Variants in CABLES1 observed in about 807,000 individuals in gnomAD.
CABLES1 encodes the protein CDK5 and ABL1 enzyme substrate 1.
Under a neutral mutation model 57.8 loss-of-function variants are expected in CABLES1, and 36 were observed. That is an observed-to-expected ratio of 0.62 (90% CI 0.48 to 0.82). The LOEUF (loss-of-function observed/expected upper bound fraction) is 0.82. CABLES1 is among the 40% of genes least tolerant of loss of function. The probability of loss-of-function intolerance (pLI) is 0.00; values close to 1 mark genes in which losing one functional copy is unlikely to be tolerated. For synonymous variants in CABLES1, 374 were observed against 363.0 expected (o/e 1.03, Z -0.35); for missense variants, 767 against 836.6 (o/e 0.92, Z 1.03).
At chr18:23,143,040 C>T (rs929132497) in intron 1 of CABLES1, among the ~76,000 whole-genome samples, 3 of 152,184 alleles carry the variant, frequency 2.0e-5, no homozygotes. Context: ...CCTCCCTCTG[C>T]TGTGCTACAA....
intron 9 of CABLES1, among the ~76,000 whole-genome samples, chr18:23,255,703 G>T (rs2048147316): frequency 6.6e-6 from 1 of 151,842 alleles, no homozygotes; most frequent in Non-Finnish European, 1.5e-5. Context: ...GGAACTACAG[G>T]CATGTACCAC....
At chr18:23,135,423 GC>G (rs2046810241), upstream of CABLES1, 1 of 152,216 alleles carries the variant, frequency 6.6e-6, no homozygotes, top group South Asian at 2.1e-4. Context: ...TGCAAAGAGG[GC>G]TTTGGAGCGC....
chr18:23,252,825 C>T, intron 7 of CABLES1, 135 bp from the exon 8 acceptor site: 2 of 599,812 alleles, frequency 3.3e-6, no homozygotes, highest in East Asian at 3.0e-5. Context: ...TTCCGCCGAG[C>T]CCTTGTTGTA....
intron 1 of CABLES1, among the ~76,000 whole-genome samples, chr18:23,145,571 C>A (rs1277175103): frequency 2.0e-5 from 3 of 152,214 alleles, no homozygotes; most frequent in African/African-American, 7.2e-5. Context: ...CTGTCCCCCT[C>A]AAGTTTCAGC....
intron 7 of CABLES1, among the ~76,000 whole-genome samples, chr18:23,247,116 C>T (rs755980874): frequency 2.0e-5 from 3 of 152,242 alleles, no homozygotes; most frequent in African/African-American, 4.8e-5. Context: ...ACTGCCGTGG[C>T]TCAATCTCCT....
At chr18:23,249,608 G>A (rs2047988231) in intron 7 of CABLES1, among the ~76,000 whole-genome samples, 2 of 152,140 alleles carry the variant, frequency 1.3e-5, no homozygotes, top group Admixed American at 1.3e-4. Flanking sequence ...CGTACGTTTT[G>A]TTCTCTTTGA....
At chr18:23,243,104 C>A (rs919462550) in intron 7 of CABLES1, among the ~76,000 whole-genome samples, 10 of 151,298 alleles carry the variant, frequency 6.6e-5, no homozygotes, top group African/African-American at 2.2e-4. Flanking sequence ...ATATATATAT[C>A]TATTTCCATT....
chr18:23,195,424 C>T (rs2047275231), intron 3 of CABLES1, among the ~76,000 whole-genome samples: 1 of 152,192 alleles, frequency 6.6e-6, no homozygotes, highest in African/African-American at 2.4e-5. Context: ...ACTCTCTAAT[C>T]CATACAAAAT....
chr18:23,164,726 C>T (rs1374045808), intron 1 of CABLES1, among the ~76,000 whole-genome samples: 2 of 150,100 alleles, frequency 1.3e-5, no homozygotes, highest in Non-Finnish European at 3.0e-5. Context: ...CAAAGCTTAT[C>T]TTTGATATGT....
intron 7 of CABLES1, among the ~76,000 whole-genome samples, chr18:23,248,512 CTTTTTTT>C (rs59555750): frequency 7.7e-4 from 70 of 90,726 alleles, no homozygotes; most frequent in African/African-American, 2.2e-3. Context: ...GACCCTATGT[CTTTTTTT>C]TTTTTTTTTT....
At chr18:23,209,557 G>A (rs2047388498) in intron 3 of CABLES1, among the ~76,000 whole-genome samples, 1 of 152,166 alleles carries the variant, frequency 6.6e-6, no homozygotes, top group Non-Finnish European at 1.5e-5. Context: ...ACACCCCTGG[G>A]CTGTGTTTGG....
intron 4 of CABLES1, among the ~76,000 whole-genome samples, chr18:23,220,401 A>C (rs1246288492): frequency 7.9e-5 from 12 of 152,004 alleles, no homozygotes; most frequent in African/African-American, 2.4e-5. Context: ...TTACCATTTT[A>C]CTTGAGGCTA....
chr18:23,156,484 G>A (rs1013847879), intron 1 of CABLES1, among the ~76,000 whole-genome samples: 3 of 152,192 alleles, frequency 2.0e-5, no homozygotes, highest in Non-Finnish European at 4.4e-5. Flanking sequence ...GCCTCTACTC[G>A]GAGGGAGTGA....
chr18:23,199,916 C>T (rs2047311166), intron 3 of CABLES1, among the ~76,000 whole-genome samples: 1 of 152,074 alleles, frequency 6.6e-6, no homozygotes. Flanking sequence ...AGACAATGGT[C>T]AGAAGCAGAA....
intron 2 of CABLES1, among the ~76,000 whole-genome samples, chr18:23,189,655 C>T (rs1038110109): frequency 5.9e-5 from 9 of 152,190 alleles, no homozygotes; most frequent in Non-Finnish European, 4.4e-5. Flanking sequence ...GGGAGGGCAT[C>T]GGGAGGAGGT....
upstream of CABLES1, chr18:23,135,469 C>G (rs927187314): frequency 4.6e-5 from 7 of 152,436 alleles, no homozygotes; most frequent in African/African-American, 1.7e-4. Flanking sequence ...AATACGGACA[C>G]CCGGCCCCGG....
intron 4 of CABLES1, among the ~76,000 whole-genome samples, chr18:23,220,098 C>T (rs1435476660): frequency 6.6e-6 from 1 of 152,110 alleles, no homozygotes; most frequent in Non-Finnish European, 1.5e-5. Flanking sequence ...TCACAGTGAT[C>T]TCTAGAGCTG....
intron 1 of CABLES1, among the ~76,000 whole-genome samples, chr18:23,180,880 T>C (rs928157159): frequency 3.9e-5 from 6 of 152,182 alleles, no homozygotes; most frequent in African/African-American, 1.4e-4. Context: ...GGATGGAGGC[T>C]TCCGCCCAGA....
intron 4 of CABLES1, 192 bp downstream of exon 4, chr18:23,214,246 T>TGC (rs2047425703): frequency 5.5e-6 from 3 of 550,170 alleles, no homozygotes; most frequent in Admixed American, 3.6e-5. Context: ...GTTGTGTGTG[T>TGC]GCGTGTGTGT....
Sources: gnomAD v4.1 joint callset for allele counts (sites outside exome capture counted in the v4.1 genomes callset) on GRCh38, gnomAD v4.1.1 for gene constraint, MANE v1.5 for transcripts, NCBI Gene and HGNC (gene_info 2026-07-23, HGNC 2026-07-21) for gene names.